Variants in CSMD1 observed in about 807,000 individuals in gnomAD.
CSMD1 encodes CUB and Sushi multiple domains 1.
CSMD1 carries 213 observed loss-of-function variants against 417.5 expected under a neutral mutation model. That is an observed-to-expected ratio of 0.51 (90% confidence interval 0.46 to 0.57). CSMD1 has a LOEUF of 0.57. Ranked by LOEUF, CSMD1 falls within the 20% of genes least tolerant of loss-of-function variation. The pLI is 0.00. For missense variants in CSMD1, 6,923 were observed against 4,529.7 expected (o/e 1.53, Z -15.17); for synonymous variants, 2,862 against 1,736.8 (o/e 1.65, Z -16.11).
intron 12 of CSMD1, among the ~76,000 whole-genome samples, chr8:3,453,150 G>C (rs1004044988): frequency 1.3e-5 from 2 of 152,160 alleles, no homozygotes; most frequent in African/African-American, 4.8e-5. Flanking sequence ...ATTTCCATGG[G>C]ATTGGTGGTG....
chr8:4,531,233 A>G (rs1796803344), intron 2 of CSMD1, among the ~76,000 whole-genome samples: 1 of 152,182 alleles, frequency 6.6e-6, no homozygotes, highest in Admixed American at 6.5e-5. Context: ...AGCCACACTG[A>G]TAGATGATCT....
At chr8:3,359,553 T>TA (rs71223321) in intron 20 of CSMD1, among the ~76,000 whole-genome samples, 3 of 151,706 alleles carry the variant, frequency 2.0e-5, no homozygotes, top group African/African-American at 7.3e-5. Context: ...TTTTTTTTTT[T>TA]AAGAATTGAC....
chr8:4,974,450 G>C (rs893561098), intron 1 of CSMD1, among the ~76,000 whole-genome samples: 5 of 152,032 alleles, frequency 3.3e-5, no homozygotes, highest in Non-Finnish European at 7.3e-5. Flanking sequence ...CAGAATTTTA[G>C]CAGACACAGG....
At chr8:4,328,635 C>T (rs987967159) in intron 3 of CSMD1, among the ~76,000 whole-genome samples, 1 of 148,016 alleles carries the variant, frequency 6.8e-6, no homozygotes, top group Non-Finnish European at 1.5e-5. Flanking sequence ...TGCTTACTTA[C>T]CAAGAATAAC....
intron 67 of CSMD1, among the ~76,000 whole-genome samples, 165 bp downstream of exon 67, chr8:2,950,066 G>T (rs1802519795): frequency 6.6e-6 from 1 of 152,090 alleles, no homozygotes; most frequent in Admixed American, 6.6e-5. Context: ...CTTATAAAAT[G>T]AAGGAATAAA....
At chr8:3,803,940 T>G (rs551612865) in intron 5 of CSMD1, among the ~76,000 whole-genome samples, 1 of 152,204 alleles carries the variant, frequency 6.6e-6, no homozygotes, top group East Asian at 1.9e-4. Context: ...CTTTTTTTCT[T>G]TTTTTGAGGT....
intron 25 of CSMD1, among the ~76,000 whole-genome samples, chr8:3,305,172 G>A (rs1041366171): frequency 1.1e-4 from 16 of 152,016 alleles, no homozygotes; most frequent in South Asian, 2.1e-4. Context: ...GGTGTGAGCC[G>A]CTATGCCTGG....
chr8:3,621,717 C>G (rs368307012), intron 7 of CSMD1, among the ~76,000 whole-genome samples: 12 of 151,984 alleles, frequency 7.9e-5, no homozygotes, highest in African/African-American at 2.9e-4. Flanking sequence ...ATAGCTGCAA[C>G]TACAGGTGCA....
intron 3 of CSMD1, among the ~76,000 whole-genome samples, chr8:4,048,749 A>G (rs572271062): frequency 1.3e-5 from 2 of 152,362 alleles, no homozygotes; most frequent in South Asian, 4.1e-4. Flanking sequence ...AGAACTATAT[A>G]AAATGCAAAG....
intron 2 of CSMD1, among the ~76,000 whole-genome samples, chr8:4,571,320 C>A (rs562331955): frequency 4.6e-5 from 7 of 152,238 alleles, no homozygotes; most frequent in Admixed American, 1.3e-4. Context: ...TAGCCGTGTC[C>A]CAGAGATTCT....
At chr8:3,912,452 T>C (rs1808525313) in intron 5 of CSMD1, among the ~76,000 whole-genome samples, 1 of 152,122 alleles carries the variant, frequency 6.6e-6, no homozygotes, top group Non-Finnish European at 1.5e-5. Context: ...AGGGAAGACA[T>C]TCCTAAACCA....
At chr8:3,448,502 T>C (rs963566057) in intron 12 of CSMD1, among the ~76,000 whole-genome samples, 1 of 136,606 alleles carries the variant, frequency 7.3e-6, no homozygotes, top group Non-Finnish European at 1.6e-5. Context: ...ACTTTTTCCC[T>C]GAAAACTTGG....
chr8:3,256,067 C>G (rs535481147), intron 26 of CSMD1, among the ~76,000 whole-genome samples: 162 of 152,224 alleles, frequency 1.1e-3, no homozygotes, highest in Non-Finnish European at 2.1e-3. Context: ...GTGGCTCACA[C>G]CTGTAATCCC....
rs79730709 is a variant in CSMD1 at position 4,202,526 on chromosome 8, T to G, written c.416-170427A>C. ...ATTTGCACTTTTATACTTAAAAATT[T>G]AAAACTCTATTTGTCAGGACATCAG... On this transcript the variant is annotated intron_variant, in intron 3 of 69. Coordinates refer to ENST00000635120, the MANE Select transcript of CSMD1 (RefSeq NM_033225.6). Among the ~76,000 whole-genome samples, 553 of 152,298 alleles carry G rather than the reference T, an allele frequency of 3.6e-3. 4 individuals are homozygous for G. Among genetic ancestry groups the G allele is most frequent in the African/African-American group, 0.013 (536 of 41,560 alleles).
chr8:3,860,880 G>C (rs1585103393), intron 5 of CSMD1, among the ~76,000 whole-genome samples: 1 of 152,158 alleles, frequency 6.6e-6, no homozygotes, highest in Non-Finnish European at 1.5e-5. Flanking sequence ...TTCACTTTAA[G>C]TTCAGGTTAG....
chr8:3,982,134 G>A (rs1017998508), intron 5 of CSMD1, among the ~76,000 whole-genome samples: 1 of 149,350 alleles, frequency 6.7e-6, no homozygotes, highest in African/African-American at 2.5e-5. Context: ...CTCCAGCCTG[G>A]GTGACACAGC....
At chr8:3,191,366 T>C (rs919626682) in intron 33 of CSMD1, among the ~76,000 whole-genome samples, 2 of 152,132 alleles carry the variant, frequency 1.3e-5, no homozygotes, top group Non-Finnish European at 2.9e-5. Flanking sequence ...TGAGGCAGGA[T>C]AATCGCTTCA....
At chr8:4,865,636 C>A (rs559664971) in intron 1 of CSMD1, among the ~76,000 whole-genome samples, 2 of 151,940 alleles carry the variant, frequency 1.3e-5, no homozygotes, top group South Asian at 2.1e-4. Flanking sequence ...GATCTAAGTA[C>A]AATGCACTTC....
chr8:3,877,320 G>A (rs904096248), intron 5 of CSMD1, among the ~76,000 whole-genome samples: 5 of 152,142 alleles, frequency 3.3e-5, no homozygotes, highest in Non-Finnish European at 7.3e-5. Flanking sequence ...CCCTCCAGGT[G>A]TCCAGCTGTG....
Sources: allele counts gnomAD v4.1 joint callset (sites outside exome capture counted in the v4.1 genomes callset), GRCh38; gene constraint gnomAD v4.1.1; transcripts MANE v1.5; gene names NCBI Gene and HGNC (gene_info 2026-07-23, HGNC 2026-07-21).